ATP2B2: variants seen among roughly 807,000 people sequenced by gnomAD.
ATP2B2 encodes the protein plasma membrane calcium-transporting ATPase 2.
A neutral mutation model predicts 120.0 loss-of-function variants in ATP2B2; 15 were observed. The ratio of observed to expected loss-of-function variants is 0.12; its 90% CI spans 0.08 to 0.19. The LOEUF (loss-of-function observed/expected upper bound fraction) is 0.19, where lower values mean the gene tolerates loss of function less well. ATP2B2 is among the 10% of genes least tolerant of loss of function. The pLI, the probability that ATP2B2 is intolerant of heterozygous loss-of-function variation, is 1.00. For synonymous variants in ATP2B2, 694 were observed against 700.3 expected, an observed-to-expected ratio of 0.99 and a Z score of 0.14; for missense variants, 1,045 against 1,719.8, an observed-to-expected ratio of 0.61 and a Z score of 6.94.
intron 1 of ATP2B2, among the ~76,000 whole-genome samples, chr3:10,691,459 T>C (rs995266269): frequency 2.0e-5 from 3 of 152,156 alleles, no homozygotes; most frequent in African/African-American, 7.2e-5. Flanking sequence ...GTCCTGGGCT[T>C]TTCCAGCTGT....
At chr3:10,530,214 A>G (rs968947113) in intron 3 of ATP2B2, among the ~76,000 whole-genome samples, 2 of 152,208 alleles carry the variant, frequency 1.3e-5, no homozygotes, top group East Asian at 3.9e-4. Context: ...GGGGACCACC[A>G]AAAGAACAAA....
intron 1 of ATP2B2, among the ~76,000 whole-genome samples, chr3:10,674,529 G>C (rs767314826): frequency 6.6e-6 from 1 of 152,232 alleles, no homozygotes; most frequent in Non-Finnish European, 1.5e-5. Context: ...AAAGTGATGA[G>C]TGATAGGGGT....
At chr3:10,513,373 T>C (rs2066812604) in intron 3 of ATP2B2, among the ~76,000 whole-genome samples, 2 of 151,964 alleles carry the variant, frequency 1.3e-5, no homozygotes, top group African/African-American at 2.4e-5. Flanking sequence ...CCCGGATGGC[T>C]GGGGGAAAGT....
chr3:10,496,286 G>A (rs547730125), intron 1 of ATP2B2, among the ~76,000 whole-genome samples: 48 of 152,218 alleles, frequency 3.2e-4, no homozygotes, highest in African/African-American at 7.5e-4. Context: ...CCTCCTTACC[G>A]GTCTGCAGCT....
chr3:10,508,278 C>G (rs1442285396), upstream of ATP2B2, among the ~76,000 whole-genome samples: 1 of 152,332 alleles, frequency 6.6e-6, no homozygotes, highest in East Asian at 1.9e-4. Context: ...TAGGCCCACC[C>G]TACTCATTCT....
intron 1 of ATP2B2, among the ~76,000 whole-genome samples, chr3:10,633,576 G>C (rs1477320976): frequency 6.6e-6 from 1 of 152,192 alleles, no homozygotes; most frequent in African/African-American, 2.4e-5. Context: ...AATACATGGG[G>C]ATAGAAATTT....
chr3:10,439,915 C>T (rs775845261), intron 2 of ATP2B2, among the ~76,000 whole-genome samples: 21 of 151,440 alleles, frequency 1.4e-4, no homozygotes, highest in African/African-American at 3.6e-4. Context: ...CCACCACACC[C>T]GGCTAATTTT....
At chr3:10,379,328 A>C in intron 8 of ATP2B2, 44 bp from the exon 9 acceptor site, 1 of 1,602,916 alleles carries the variant, frequency 6.2e-7, no homozygotes. Context: ...AACAGACAAC[A>C]CATGGTCGGT....
At chr3:10,596,861 A>G (rs549459073) in intron 2 of ATP2B2, among the ~76,000 whole-genome samples, 5 of 152,336 alleles carry the variant, frequency 3.3e-5, no homozygotes, top group African/African-American at 1.2e-4. Context: ...GGCTGCAGGG[A>G]GCCAGAGAGA....
chr3:10,360,956 T>C (rs966475409), intron 12 of ATP2B2, among the ~76,000 whole-genome samples: 1 of 152,132 alleles, frequency 6.6e-6, no homozygotes, highest in African/African-American at 2.4e-5. Context: ...CACTAATCTG[T>C]TCCCCGTTTC....
At chr3:10,681,314 GC>G (rs2125702761) in intron 1 of ATP2B2, among the ~76,000 whole-genome samples, 2 of 152,338 alleles carry the variant, frequency 1.3e-5, no homozygotes, top group South Asian at 4.1e-4. Flanking sequence ...TGGAGGCCTG[GC>G]CCCAGGCCCT....
At chr3:10,475,451 T>A (rs1003645934) in intron 1 of ATP2B2, among the ~76,000 whole-genome samples, 1 of 152,222 alleles carries the variant, frequency 6.6e-6, no homozygotes, top group Admixed American at 6.5e-5. Flanking sequence ...GGATGATTTA[T>A]TGAGCACCTA....
chr3:10,447,555 T>G (rs550788131), intron 2 of ATP2B2, among the ~76,000 whole-genome samples: 1 of 152,364 alleles, frequency 6.6e-6, no homozygotes, highest in African/African-American at 2.4e-5. Context: ...CCCCAGGGAC[T>G]GGGGCTGAGA....
chr3:10,355,421 T>C (rs893042823), intron 14 of ATP2B2, among the ~76,000 whole-genome samples: 1 of 152,070 alleles, frequency 6.6e-6, no homozygotes, highest in Non-Finnish European at 1.5e-5. Flanking sequence ...GCGTGGCCCA[T>C]GTGGATGCCC....
chr3:10,512,464 GCACACACACA>G (rs6147706), intron 3 of ATP2B2, among the ~76,000 whole-genome samples: 3,742 of 137,022 alleles, frequency 0.027, 104 homozygotes, highest in South Asian at 0.045. Flanking sequence ...AAGTGTGTGC[GCACACACACA>G]CACACACACA....
At chr3:10,430,635 C>T (rs535572220) in intron 2 of ATP2B2, among the ~76,000 whole-genome samples, 2 of 152,026 alleles carry the variant, frequency 1.3e-5, no homozygotes, top group East Asian at 3.9e-4. Context: ...CTAACATTCC[C>T]AGTCCCATCC....
intron 2 of ATP2B2, among the ~76,000 whole-genome samples, chr3:10,431,026 C>G (rs2063299340): frequency 6.6e-6 from 1 of 151,742 alleles, no homozygotes; most frequent in Non-Finnish European, 1.5e-5. Flanking sequence ...TTAGGATACC[C>G]AAAGATAAGT....
chr3:10,662,751 T>C (rs192567535), intron 1 of ATP2B2, among the ~76,000 whole-genome samples: 3,520 of 151,952 alleles, frequency 0.023, 68 homozygotes, highest in South Asian at 0.091. Context: ...GGTATATACC[T>C]AAAGGACTAT....
In ATP2B2 at chr3:10,386,516, T is replaced by C. The variant is rs1215074468; in HGVS notation, c.908-4A>G. The C allele has an allele frequency of 1.2e-6, 2 of 1,614,136 alleles. No individual in the cohort carries two copies. The highest frequency in any genetic ancestry group is 1.1e-5 in the South Asian group (1 of 91,090). ...AGGCCATCCCCCTTCTTCACACCTG[T>C]GTGATGATTTTTGAGACATGTTAAT... On this transcript the variant is annotated splice_polypyrimidine_tract_variant and splice_region_variant and intron_variant, in intron 6 of 22. Transcript: ENST00000360273.
Sources: allele counts gnomAD v4.1 joint callset (sites outside exome capture counted in the v4.1 genomes callset), GRCh38; gene constraint gnomAD v4.1.1; transcripts MANE v1.5; gene names NCBI Gene and HGNC (gene_info 2026-07-23, HGNC 2026-07-21).